The following APBA1 variants were observed in gnomAD, a reference collection of about 807,000 sequenced individuals.
The protein encoded by APBA1 is amyloid-beta A4 precursor protein-binding family A member 1.
A neutral mutation model predicts 86.6 loss-of-function variants in APBA1; 55 were observed. The ratio of observed to expected loss-of-function variants is 0.64; its 90% CI spans 0.51 to 0.80. The LOEUF is 0.80. Ranked by LOEUF, APBA1 falls within the 30% of genes least tolerant of loss-of-function variation. The pLI, the probability that APBA1 is intolerant of heterozygous loss-of-function variation, is 0.00. For synonymous variants in APBA1, 511 were observed against 493.9 expected, an observed-to-expected ratio of 1.03 and a Z score of -0.46; for missense variants, 1,090 against 1,183.0, an observed-to-expected ratio of 0.92 and a Z score of 1.15.
rs1365243526 is a variant in APBA1 at position 69,617,390 on chromosome 9, A to G, written c.-70+54763T>C. ...TCACATGGAGGAGAAAATATATACT[A>G]CCAACATGGCATAGTGTAGAAACTA... On this transcript the variant is annotated intron_variant, in intron 1 of 12. Transcript: ENST00000265381. Among the ~76,000 whole-genome samples the G allele has an allele frequency of 3.9e-5, 6 of 152,228 alleles. 1 individual carries two copies. The South Asian group carries it at 1.0e-3, about 26-fold the overall frequency.
rs147969525 is a variant in APBA1, at chr9:69,597,111, C to T, written c.-70+75042G>A. Among the ~76,000 whole-genome samples the T allele has an allele frequency of 3.8e-4, 58 of 152,296 alleles. No individual in the cohort carries two copies. In the East Asian group the frequency reaches 8.7e-3, roughly 23 times the overall value. On this transcript the variant is annotated intron_variant, in intron 1 of 12. Coordinates refer to ENST00000265381, the MANE Select transcript of APBA1 (RefSeq NM_001163.4). The stretch of plus-strand genomic sequence containing the variant: ...TGACATGGGTAAAAGTTTTAAAAGA[C>T]ATTTAAAGTTGCATGCTTTATCAAC...
chr9:69,446,391 C>T lies in APBA1; in HGVS notation c.2181+3193G>A, dbSNP rs190753940. On this transcript the variant is annotated intron_variant, in intron 10 of 12. Transcript: ENST00000265381. ...AGTACTTCTTCACTATGGGTGGCCA[C>T]GAAAGCACTGCTTTTCTTTTCTTAC... is the stretch of plus-strand genomic sequence containing the variant. Among the ~76,000 whole-genome samples the T allele has an allele frequency of 3.6e-3, 548 of 152,284 alleles. 1 individual carries two copies. The highest frequency in any genetic ancestry group is 5.6e-3 in the Non-Finnish European group (378 of 68,020).
intron 2 of APBA1, among the ~76,000 whole-genome samples, chr9:69,491,452 T>A (rs894866115): frequency 6.6e-6 from 1 of 151,684 alleles, no homozygotes; most frequent in Non-Finnish European, 1.5e-5. Flanking sequence ...CTGGGGCCTG[T>A]CATGGGGTGG....
At chr9:69,456,166 G>T (rs763052209) in intron 8 of APBA1, 81 bp downstream of exon 8, 17 of 1,408,182 alleles carry the variant, frequency 1.2e-5, no homozygotes, top group Admixed American at 1.7e-5. Flanking sequence ...CATGCATCAT[G>T]TGTGATGAAT....
At chr9:69,660,787 C>T (rs1286800218) in intron 1 of APBA1, among the ~76,000 whole-genome samples, 1 of 152,114 alleles carries the variant, frequency 6.6e-6, no homozygotes, top group Admixed American at 6.5e-5. Context: ...GCATACTATA[C>T]ATATGCTATT....
At chr9:69,504,232 G>A (rs998159357) in intron 2 of APBA1, among the ~76,000 whole-genome samples, 1 of 151,958 alleles carries the variant, frequency 6.6e-6, no homozygotes, top group Admixed American at 6.6e-5. Flanking sequence ...GTACCCAGTA[G>A]ACTCTTTTAA....
chr9:69,442,642 G>A (rs906721640), intron 10 of APBA1, among the ~76,000 whole-genome samples: 1 of 152,214 alleles, frequency 6.6e-6, no homozygotes, highest in Non-Finnish European at 1.5e-5. Context: ...CTCTACGAGT[G>A]AAGTGGAAAG....
At chr9:69,492,268 T>TGA (rs1835726441) in intron 2 of APBA1, among the ~76,000 whole-genome samples, 1 of 151,980 alleles carries the variant, frequency 6.6e-6, no homozygotes. Flanking sequence ...ACCTCCCGGG[T>TGA]TGCCATGAGT....
chr9:69,435,945 T>C (rs1410442835), intron 11 of APBA1, among the ~76,000 whole-genome samples: 14 of 152,174 alleles, frequency 9.2e-5, no homozygotes, highest in Non-Finnish European at 1.5e-5. Context: ...CCATCTTGAA[T>C]TAATTTTTTA....
chr9:69,484,896 T>C (rs1055965412), intron 2 of APBA1, among the ~76,000 whole-genome samples: 4 of 152,134 alleles, frequency 2.6e-5, no homozygotes, highest in African/African-American at 7.2e-5. Flanking sequence ...CATTTTTCAG[T>C]GGTCAATGGT....
At chr9:69,536,006 C>A (rs1836502402) in intron 1 of APBA1, among the ~76,000 whole-genome samples, 1 of 149,004 alleles carries the variant, frequency 6.7e-6, no homozygotes, top group South Asian at 2.1e-4. Flanking sequence ...TCTATTCATA[C>A]TTAAAAATAA....
chr9:69,441,756 A>G (rs1834828085), intron 10 of APBA1, among the ~76,000 whole-genome samples: 1 of 152,204 alleles, frequency 6.6e-6, no homozygotes, highest in Non-Finnish European at 1.5e-5. Flanking sequence ...TTGATGGAGA[A>G]GGAAGAGGAA....
intron 1 of APBA1, among the ~76,000 whole-genome samples, chr9:69,544,845 C>T (rs967229757): frequency 6.6e-6 from 1 of 152,148 alleles, no homozygotes; most frequent in Non-Finnish European, 1.5e-5. Flanking sequence ...ATATAAGTCT[C>T]CACCCACCCC....
intron 8 of APBA1, 41 bp from the exon 9 acceptor site, chr9:69,452,342 G>A: frequency 6.3e-7 from 1 of 1,594,448 alleles, no homozygotes; most frequent in Non-Finnish European, 8.6e-7. Flanking sequence ...CAGCAGGGCA[G>A]TGCACCTGGT....
intron 2 of APBA1, among the ~76,000 whole-genome samples, chr9:69,506,185 C>G (rs1468888594): frequency 6.6e-6 from 1 of 151,794 alleles, no homozygotes. Context: ...GAGTGCCAGA[C>G]AGTGGGCGCA....
rs767668990 is a variant in APBA1, at chr9:69,516,588, T to C, written c.623A>G (p.Asp208Gly). 1 of 1,603,216 alleles carries C rather than the reference T, an allele frequency of 6.2e-7. No homozygotes were observed. The highest frequency in any genetic ancestry group is 8.5e-7 in the Non-Finnish European group (1 of 1,179,052). Residue 208 changes from aspartate to glycine, a missense_variant, in exon 2 of 13, where the codon GAC (aspartate) becomes GGC (glycine). Physicochemically the swap from Asp to Gly is moderately conservative, Grantham distance 94. Around this residue, in one of 6 missense-constraint regions of APBA1, gnomAD observed 678 missense variants for 647.1 expected, o/e 1.05. Transcript: ENST00000265381. The surrounding 1 kb of genome is among the most constrained non-coding windows in gnomAD (Gnocchi z 7.3). Reference sequence around the variant, plus strand: ...GTAGAGCCGCAGGCCGTCGCGTGCGTCCAGCTCGGGCGCGTCCCCTATCTC... The same window carrying C: ...GTAGAGCCGCAGGCCGTCGCGTGCGCCCAGCTCGGGCGCGTCCCCTATCTC... ...YEEIGDAPEL[D>G]ARDGLRLYEQ...
At chr9:69,646,089 T>C (rs540225785) in intron 1 of APBA1, among the ~76,000 whole-genome samples, 1 of 152,354 alleles carries the variant, frequency 6.6e-6, no homozygotes, top group African/African-American at 2.4e-5. Flanking sequence ...AGGAAAAGTT[T>C]TATTTTGATA....
rs757278417 is a variant in APBA1, at chr9:69,516,790, T to G, written c.421A>C (p.Thr141Pro). 1.9e-6 allele frequency: 3 copies of G among 1,610,278 alleles called. No individual in the cohort carries two copies. The South Asian group carries it at 3.3e-5, about 18-fold the overall frequency. ...TGGTTGGGCAGCGCGCGGCGGTGCG[T>G]GGCCTCGGCGTGCTCGGCCTCTGCC... ...EQAEAEHAEA[T>P]HRRALPNHLH... The change falls in exon 2 of 13, where the codon ACG becomes CCG. Residue 141 changes from threonine (T) to proline (P), a missense_variant. Coordinates refer to ENST00000265381, the MANE Select transcript of APBA1 (RefSeq NM_001163.4). This position sits in a 1 kb window ranked among gnomAD's most constrained non-coding sequence, Gnocchi z 7.3.
intron 2 of APBA1, among the ~76,000 whole-genome samples, chr9:69,495,779 G>A (rs1835784660): frequency 6.6e-6 from 1 of 152,088 alleles, no homozygotes; most frequent in South Asian, 2.1e-4. Flanking sequence ...TCATGTGGAA[G>A]GAACGGGTGG....
Sources: gnomAD v4.1 joint callset for allele counts (sites outside exome capture counted in the v4.1 genomes callset) on GRCh38, gnomAD v4.1.1 for gene constraint, gnomAD v4.1.1 regional missense constraint, Gnocchi (gnomAD v3.1) non-coding constraint, MANE v1.5 for transcripts, NCBI Gene and HGNC (gene_info 2026-07-23, HGNC 2026-07-21) for gene names.